Variants in HDHD5 observed in about 807,000 individuals in gnomAD.
HDHD5 encodes the protein haloacid dehalogenase like hydrolase domain containing 5.
Under a neutral mutation model 35.5 loss-of-function variants are expected in HDHD5, and 34 were observed. The ratio of observed to expected loss-of-function variants is 0.96; its 90% CI spans 0.73 to 1.28. The LOEUF is 1.28. HDHD5 is among the 50% of genes most tolerant of loss of function. The probability of loss-of-function intolerance (pLI) is 0.00; values close to 1 mark genes in which losing one functional copy is unlikely to be tolerated. For synonymous variants in HDHD5, 248 were observed against 240.6 expected, an observed-to-expected ratio of 1.03 and a Z score of -0.29; for missense variants, 589 against 560.2, an observed-to-expected ratio of 1.05 and a Z score of -0.52.
At chr22:17,143,852 A>C (rs192949742) in intron 4 of HDHD5, among the ~76,000 whole-genome samples, 1 of 152,334 alleles carries the variant, frequency 6.6e-6, no homozygotes, top group East Asian at 1.9e-4. Context: ...CTGACTCAAG[A>C]CCTGGGCTAT....
chr22:17,159,013 C>A lies in HDHD5; in HGVS notation c.126+113G>T, dbSNP rs986056944. On this transcript the variant is annotated intron_variant, in intron 1 of 7. Transcript: ENST00000336737. Reference sequence around the variant, plus strand: ...CACTCGGGCGCGACGACGGTCCAGGCAGTTCCCAGGAGGCTGGGATACCAG... The same window carrying A: ...CACTCGGGCGCGACGACGGTCCAGGAAGTTCCCAGGAGGCTGGGATACCAG... The A allele has an allele frequency of 1.4e-5, 14 of 982,124 alleles. No homozygotes were observed. The African/African-American group carries it at 1.9e-4, about 13-fold the overall frequency. 60.8% of individuals were successfully genotyped at this position (982,124 alleles called of 1,614,324 possible).
Position 17,159,126 on chromosome 22 carries a change from C to A in HDHD5, c.126G>T (p.Gln42His). The change falls in exon 1 of 8, where the codon CAG (glutamine) becomes CAT (histidine). Residue 42 changes from glutamine (Q) to histidine (H), a missense_variant and splice_region_variant. Transcript: ENST00000336737. ...TCGGCCAGAACCCGGACGTCCTCAC[C>A]TGAGCGGGGCCCACAGCATAGCACC... Reference protein sequence around the residue: ...ARRCYAVGPAQSPPTFGFLLD... With the variant: ...ARRCYAVGPAHSPPTFGFLLD... 8.1e-7 allele frequency: 1 copy of A among 1,239,112 alleles called. No individual in the cohort carries two copies. Among genetic ancestry groups the A allele is most frequent in the Non-Finnish European group, 1.0e-6 (1 of 989,678 alleles). 76.8% of individuals were successfully genotyped at this position (1,239,112 alleles called of 1,614,324 possible).
At chr22:17,142,254 A>T (rs902771137) in intron 5 of HDHD5, 9 of 152,334 alleles carry the variant, frequency 5.9e-5, no homozygotes, top group African/African-American at 2.2e-4. Context: ...CCATGTCCTC[A>T]TAACATTTGA....
chr22:17,164,222 G>GAA (rs60212114), upstream of HDHD5, among the ~76,000 whole-genome samples: 40 of 111,892 alleles, frequency 3.6e-4, 1 homozygote, highest in South Asian at 2.4e-3. Context: ...CTCCATCTCA[G>GAA]AAAAAAAAAA....
chr22:17,159,915 C>G (rs557702969), upstream of HDHD5: 17 of 174,374 alleles, frequency 9.7e-5, no homozygotes, highest in African/African-American at 3.8e-4. Context: ...GTCCGCTGCG[C>G]GTTTCCCGGA....
At chr22:17,159,482 G>C (rs2061845300), upstream of HDHD5, 2 of 503,796 alleles carry the variant, frequency 4.0e-6, no homozygotes, top group Non-Finnish European at 7.5e-6. Context: ...GCGGTGAGCT[G>C]GCCGCGGCGC....
chr22:17,138,630 G>A lies in HDHD5; in HGVS notation c.855C>T (p.Tyr285=), dbSNP rs751919499. ...GCCTGATCAGGTCCTCGGCATACTG[G>A]TAAGTGAGGATGCTGGGTTTGCCCA... is the stretch of plus-strand genomic sequence containing the variant. ...GLMGKPSILT[Y]QYAEDLIRRQ... is the part of the protein sequence containing the mutation. Residue 285 remains tyrosine, a synonymous_variant, in exon 7 of 8, where the codon TAC becomes TAT. Transcript: ENST00000336737. 13 of 1,614,220 alleles carry A rather than the reference G, an allele frequency of 8.1e-6. 1 individual carries two copies. Among genetic ancestry groups the A allele is most frequent in the Admixed American group, 1.7e-5 (1 of 60,030 alleles).
At position 17,164,977 on chromosome 22, in the gene HDHD5, A is replaced by G. The variant is rs76553690; in HGVS notation, c.36+232T>C. 6.6e-3 allele frequency among the ~76,000 whole-genome samples: 1,009 copies of G among 152,264 alleles called. 10 individuals carry two copies. The highest frequency in any genetic ancestry group is 0.023 in the African/African-American group (956 of 41,550). On this transcript the variant is annotated intron_variant, in intron 1 of 7. Coordinates refer to the HDHD5 transcript ENST00000155674. ...CAGGTCCCCCTGGCTGGGGTCAGGAAGGGCTTGCAGGAGGGTTTACTGCTC... is the reference window on the plus strand; with the variant it reads ...CAGGTCCCCCTGGCTGGGGTCAGGAGGGGCTTGCAGGAGGGTTTACTGCTC...
chr22:17,144,229 C>T (rs1251779545), intron 4 of HDHD5, among the ~76,000 whole-genome samples: 1 of 151,910 alleles, frequency 6.6e-6, no homozygotes, highest in African/African-American at 2.4e-5. Context: ...GAGGACAGGG[C>T]ATAAAGCCGT....
At chr22:17,154,667 A>T (rs889429108) in intron 1 of HDHD5, among the ~76,000 whole-genome samples, 2 of 149,874 alleles carry the variant, frequency 1.3e-5, no homozygotes, top group Non-Finnish European at 3.0e-5. Flanking sequence ...TCTGTCACCA[A>T]GGCTGGGTGC....
At chr22:17,142,962 A>C (rs1456658596) in intron 5 of HDHD5, 136 bp downstream of exon 5, 4 of 828,214 alleles carry the variant, frequency 4.8e-6, no homozygotes, top group African/African-American at 2.0e-5. Context: ...GCAGATCCAG[A>C]CCAGAGCCCA....
At chr22:17,145,211 C>G in intron 3 of HDHD5, 94 bp from the exon 4 acceptor site, 1 of 1,555,242 alleles carries the variant, frequency 6.4e-7, no homozygotes, top group Non-Finnish European at 8.7e-7. Flanking sequence ...ACAACCCACT[C>G]CTGATCAAGC....
At chr22:17,148,403 A>G in intron 3 of HDHD5, 45 bp downstream of exon 3, 2 of 1,495,000 alleles carry the variant, frequency 1.3e-6, no homozygotes, top group Non-Finnish European at 1.9e-6. Flanking sequence ...GAAACACCTC[A>G]GCCCTGCCCC....
rs773813838 is a variant in HDHD5 at position 17,138,295 on chromosome 22, G to A, written c.998C>T (p.Thr333Met). 1.2e-5 allele frequency: 19 copies of A among 1,614,116 alleles called. No individual in the cohort carries two copies. Among genetic ancestry groups the A allele is most frequent in the East Asian group, 8.9e-5 (4 of 44,882 alleles). Residue 333 changes from threonine to methionine, a missense_variant, in exon 8 of 8, where the codon ACG becomes ATG. Thr to Met is a moderately conservative substitution (Grantham distance 81). Coordinates refer to ENST00000336737, the MANE Select transcript of HDHD5 (RefSeq NM_033070.3). ...CCCTAGTTCTGGCGCCCCATCATGC[G>A]TTGCCTTCTGCAGGTACTGGTGGAA... is the stretch of plus-strand genomic sequence containing the variant. ...NLFHQYLQKATHDGAPELGAG... is the reference protein window; with the variant it reads ...NLFHQYLQKAMHDGAPELGAG...
intron 5 of HDHD5, chr22:17,142,078 A>T (rs1206076645): frequency 6.6e-6 from 1 of 152,214 alleles, no homozygotes; most frequent in Admixed American, 6.5e-5. Context: ...ATTAATTTTT[A>T]AAAAAACCAT....
intron 1 of HDHD5, among the ~76,000 whole-genome samples, chr22:17,157,129 TG>T (rs979685247): frequency 7.9e-6 from 1 of 125,884 alleles, no homozygotes; most frequent in Non-Finnish European, 1.7e-5. Context: ...AAAAAAGCTA[TG>T]GAACAATGAT....
intron 4 of HDHD5, among the ~76,000 whole-genome samples, chr22:17,144,612 C>T (rs1399755146): frequency 1.3e-5 from 2 of 152,128 alleles, no homozygotes; most frequent in Non-Finnish European, 2.9e-5. Context: ...CGGGGTTTCA[C>T]CATGTTGGCC....
At chr22:17,140,416 A>G (rs2061586647) in intron 6 of HDHD5, among the ~76,000 whole-genome samples, 1 of 152,124 alleles carries the variant, frequency 6.6e-6, no homozygotes, top group African/African-American at 2.4e-5. Context: ...TCTCTGGTCT[A>G]TACGACTATC....
intron 6 of HDHD5, among the ~76,000 whole-genome samples, chr22:17,139,016 TC>T (rs2061568415): frequency 6.6e-6 from 1 of 152,212 alleles, no homozygotes; most frequent in Non-Finnish European, 1.5e-5. Flanking sequence ...TACAACTCAG[TC>T]TGACTCCAGA....
Sources: allele counts gnomAD v4.1 joint callset (sites outside exome capture counted in the v4.1 genomes callset), GRCh38; gene constraint gnomAD v4.1.1; transcripts MANE v1.5; gene names NCBI Gene and HGNC (gene_info 2026-07-23, HGNC 2026-07-21).